RABGEF1: variants seen among roughly 807,000 people sequenced by gnomAD.
The protein encoded by RABGEF1 is rab5 GDP/GTP exchange factor.
Under a neutral mutation model 57.3 loss-of-function variants are expected in RABGEF1, and 26 were observed. The observed-to-expected ratio is 0.45, with a 90% CI of 0.33 to 0.63. The LOEUF (loss-of-function observed/expected upper bound fraction) is 0.63. Among genes scored for constraint, RABGEF1 ranks in the 20% least tolerant of loss-of-function variants. The pLI is 0.02. For missense variants in RABGEF1, 464 were observed against 607.6 expected, an observed-to-expected ratio of 0.76 and a Z score of 2.48; for synonymous variants, 185 against 210.7, an observed-to-expected ratio of 0.88 and a Z score of 1.06.
intron 5 of RABGEF1, chr7:66,796,981 T>G (rs545485488): frequency 4.8e-6 from 2 of 417,476 alleles, no homozygotes; most frequent in Non-Finnish European, 9.4e-6. Flanking sequence ...TAAATTAGTT[T>G]TTTGCTGTGT....
chr7:66,758,617 TC>T (rs1256249591), intron 1 of RABGEF1, among the ~76,000 whole-genome samples: 1 of 152,156 alleles, frequency 6.6e-6, no homozygotes, highest in African/African-American at 2.4e-5. Context: ...ACGCAGCTGA[TC>T]CCCCATGTTT....
chr7:66,737,340 A>C (rs548074924), upstream of RABGEF1, among the ~76,000 whole-genome samples: 1 of 151,938 alleles, frequency 6.6e-6, no homozygotes, highest in African/African-American at 2.4e-5. Context: ...CTACATCCTT[A>C]ATCTCCTGGC....
intron 1 of RABGEF1, among the ~76,000 whole-genome samples, chr7:66,742,964 G>C (rs1319656634): frequency 2.6e-5 from 4 of 152,168 alleles, no homozygotes; most frequent in Non-Finnish European, 5.9e-5. Context: ...GGCTTCCTCT[G>C]ATGGTGACAG....
intron 1 of RABGEF1, among the ~76,000 whole-genome samples, chr7:66,744,369 C>CA (rs947458817): frequency 1.9e-3 from 225 of 120,370 alleles, no homozygotes; most frequent in Middle Eastern, 4.3e-3. Flanking sequence ...TGCATCTCTA[C>CA]AAAAAAAAAA....
chr7:66,777,733 C>T (rs992669497), intron 3 of RABGEF1, among the ~76,000 whole-genome samples: 1 of 152,206 alleles, frequency 6.6e-6, no homozygotes, highest in African/African-American at 2.4e-5. Context: ...TTAGTGGCTG[C>T]AGTGAGCTCT....
intron 1 of RABGEF1, among the ~76,000 whole-genome samples, chr7:66,711,456 T>C (rs1403010716): frequency 3.3e-5 from 5 of 152,128 alleles, no homozygotes; most frequent in Admixed American, 2.0e-4. Flanking sequence ...AGTTCACTTA[T>C]TTTTGCCAAA....
the RABGEF1 span, among the ~76,000 whole-genome samples, chr7:66,671,476 TG>T: frequency 6.6e-6 from 1 of 152,150 alleles, no homozygotes; most frequent in Non-Finnish European, 1.5e-5. Flanking sequence ...AGCCTTGCCA[TG>T]GGAAGGAGGC....
intron 1 of RABGEF1, among the ~76,000 whole-genome samples, chr7:66,700,634 G>A (rs1365869945): frequency 3.3e-5 from 5 of 152,312 alleles, no homozygotes; most frequent in South Asian, 4.1e-4. Context: ...TTCGTGCGTA[G>A]CAGGGGGCCC....
At chr7:66,705,675 T>C (rs1344455741) in intron 1 of RABGEF1, among the ~76,000 whole-genome samples, 1 of 152,040 alleles carries the variant, frequency 6.6e-6, no homozygotes, top group Non-Finnish European at 1.5e-5. Context: ...TCAAGCACTT[T>C]CAGTTTGATA....
At chr7:66,756,879 A>G (rs1295856812) in intron 1 of RABGEF1, among the ~76,000 whole-genome samples, 1 of 152,172 alleles carries the variant, frequency 6.6e-6, no homozygotes, top group Non-Finnish European at 1.5e-5. Context: ...TTCTTCTAAC[A>G]TTAAATTACC....
At chr7:66,799,665 A>G (rs1414403440) in intron 7 of RABGEF1, among the ~76,000 whole-genome samples, 5 of 152,152 alleles carry the variant, frequency 3.3e-5, no homozygotes, top group Admixed American at 1.3e-4. Context: ...AAATGCAGAT[A>G]GAATAAATTT....
chr7:66,696,073 A>G (rs1027159514), intron 1 of RABGEF1, among the ~76,000 whole-genome samples: 2 of 151,430 alleles, frequency 1.3e-5, no homozygotes, highest in East Asian at 3.9e-4. Context: ...AAATATATAT[A>G]TATTTTTTTC....
Position 66,728,013 on chromosome 7 carries a change from C to T in RABGEF1, c.-814-11983C>T, listed in dbSNP as rs549605588. On this transcript the variant is annotated intron_variant and NMD_transcript_variant, in intron 2 of 9. Transcript: ENST00000607882. ...GCTCTCCACAGGCCAAACCACTAGACCCAATGTCCCCCTTCCACCTTTCCA... is the reference window on the plus strand; with the variant it reads ...GCTCTCCACAGGCCAAACCACTAGATCCAATGTCCCCCTTCCACCTTTCCA... Among the ~76,000 whole-genome samples the T allele has an allele frequency of 3.6e-4, 55 of 152,334 alleles. No individual in the cohort carries two copies. In the South Asian group the frequency reaches 0.011, roughly 32 times the overall value.
At chr7:66,724,530 T>G (rs2117559920) in intron 2 of RABGEF1, among the ~76,000 whole-genome samples, 1 of 152,264 alleles carries the variant, frequency 6.6e-6, no homozygotes, top group South Asian at 2.1e-4. Context: ...CAGCTAATTT[T>G]TGTATTTTTA....
At chr7:66,686,979 G>A (rs559761968) in intron 1 of RABGEF1, among the ~76,000 whole-genome samples, 19 of 151,040 alleles carry the variant, frequency 1.3e-4, no homozygotes, top group South Asian at 6.3e-4. Context: ...CCACCACCAC[G>A]CCTGGCAAAT....
intron 4 of RABGEF1, among the ~76,000 whole-genome samples, chr7:66,790,049 C>G (rs1180313003): frequency 6.6e-6 from 1 of 152,210 alleles, no homozygotes; most frequent in East Asian, 1.9e-4. Flanking sequence ...GATAAGCAAG[C>G]ATTGGCAGAT....
chr7:66,670,894 TACACACACACACAC>T, the RABGEF1 span, among the ~76,000 whole-genome samples: 11 of 145,674 alleles, frequency 7.6e-5, no homozygotes, highest in South Asian at 1.3e-3. Context: ...CACATACGTA[TACACACACACACAC>T]ACACACACAC....
At chr7:66,678,304 G>A (rs1486573034), upstream of RABGEF1, among the ~76,000 whole-genome samples, 1 of 151,990 alleles carries the variant, frequency 6.6e-6, no homozygotes, top group East Asian at 1.9e-4. Flanking sequence ...GGTGGCTCAC[G>A]CCTGTAATTC....
intron 4 of RABGEF1, among the ~76,000 whole-genome samples, chr7:66,788,910 G>A (rs1383630449): frequency 9.3e-5 from 14 of 151,346 alleles, no homozygotes; most frequent in South Asian, 6.3e-4. Flanking sequence ...AGCCAAGGTC[G>A]CGCCATTGTA....
Sources: allele counts gnomAD v4.1 joint callset (sites outside exome capture counted in the v4.1 genomes callset), GRCh38; gene constraint gnomAD v4.1.1; transcripts MANE v1.5; gene names NCBI Gene and HGNC (gene_info 2026-07-23, HGNC 2026-07-21).